Variants in PTPRN2 observed in about 807,000 individuals in gnomAD.
PTPRN2 encodes protein tyrosine phosphatase receptor type N2, also known as receptor-type tyrosine-protein phosphatase N2.
In PTPRN2, 74 loss-of-function variants were observed where a neutral mutation model predicts 118.8. That is an observed-to-expected ratio of 0.62 (90% CI 0.52 to 0.76). The LOEUF is 0.76. Ranked by LOEUF, PTPRN2 falls within the 30% of genes least tolerant of loss-of-function variation. PTPRN2 has a pLI of 0.00. For missense variants in PTPRN2, 1,481 were observed against 1,394.4 expected, an observed-to-expected ratio of 1.06 and a Z score of -0.99; for synonymous variants, 641 against 608.0, an observed-to-expected ratio of 1.05 and a Z score of -0.80.
intron 2 of PTPRN2, among the ~76,000 whole-genome samples, chr7:158,481,588 C>T (rs148172485): frequency 4.3e-4 from 66 of 152,320 alleles, no homozygotes; most frequent in African/African-American, 1.4e-3. Flanking sequence ...CTCAGCCTCC[C>T]GCATAGCTGG....
chr7:158,520,533 C>T lies in PTPRN2; in HGVS notation c.113-30748G>A, dbSNP rs1213442768. On this transcript the variant is annotated intron_variant, in intron 1 of 22. Coordinates refer to ENST00000389418, the MANE Select transcript of PTPRN2 (RefSeq NM_002847.5). The stretch of plus-strand genomic sequence containing the variant: ...GCTCAGCTCGAGGCCCCTGGAGAAA[C>T]ACTCCCCAGAGCAGGATCTCCAGAG... Among the ~76,000 whole-genome samples the T allele has an allele frequency of 2.0e-5, 3 of 152,204 alleles. No homozygotes were observed. In the East Asian group the frequency reaches 5.8e-4, roughly 29 times the overall value.
intron 1 of PTPRN2, among the ~76,000 whole-genome samples, chr7:158,569,566 G>A (rs2129451366): frequency 6.6e-6 from 1 of 152,364 alleles, no homozygotes; most frequent in Non-Finnish European, 1.5e-5. Flanking sequence ...ACCAGGAAGA[G>A]GGGACACGGA....
chr7:158,499,242 ATGAG>A (rs2129446227), intron 1 of PTPRN2, among the ~76,000 whole-genome samples: 1 of 152,246 alleles, frequency 6.6e-6, no homozygotes, highest in African/African-American at 2.4e-5. Flanking sequence ...GCCCTGTTAA[ATGAG>A]TATTTCTATT....
intron 5 of PTPRN2, among the ~76,000 whole-genome samples, chr7:158,169,248 T>A (rs1478022957): frequency 6.6e-6 from 1 of 152,130 alleles, no homozygotes; most frequent in Non-Finnish European, 1.5e-5. Context: ...GTTTGGTTTT[T>A]CTGGGTTTTT....
rs73510602 is a variant in PTPRN2 at position 158,558,413 on chromosome 7, C to T, written c.112+29145G>A. Among the ~76,000 whole-genome samples the T allele has an allele frequency of 8.3e-3, 1,268 of 152,274 alleles. 19 individuals are homozygous for T. Among genetic ancestry groups the T allele is most frequent in the African/African-American group, 0.028 (1,171 of 41,552 alleles). On this transcript the variant is annotated intron_variant, in intron 1 of 22. Coordinates refer to ENST00000389418, the MANE Select transcript of PTPRN2 (RefSeq NM_002847.5). ...TGTTCTCTTCTTTAGATCCTGAGGC[C>T]GCAGGGTGCAGCTTTCCATTTGTAA...
intron 13 of PTPRN2, among the ~76,000 whole-genome samples, chr7:157,657,888 C>A (rs1180541453): frequency 3.8e-5 from 5 of 131,676 alleles, no homozygotes; most frequent in African/African-American, 1.1e-4. Context: ...ACACACACAC[C>A]ACACACATCA....
chr7:157,726,270 A>G (rs910987528), intron 12 of PTPRN2, among the ~76,000 whole-genome samples: 2 of 141,614 alleles, frequency 1.4e-5, no homozygotes, highest in Non-Finnish European at 3.0e-5. Flanking sequence ...AAAACTGGAT[A>G]TCCACATGCA....
At chr7:158,164,967 G>A (rs534535824) in intron 6 of PTPRN2, among the ~76,000 whole-genome samples, 10 of 152,316 alleles carry the variant, frequency 6.6e-5, no homozygotes, top group Admixed American at 2.0e-4. Context: ...ACCCAAGGTC[G>A]CAAGTGAAGA....
intron 3 of PTPRN2, among the ~76,000 whole-genome samples, chr7:158,315,635 G>A (rs1352539216): frequency 1.3e-5 from 2 of 152,274 alleles, no homozygotes; most frequent in Non-Finnish European, 2.9e-5. Context: ...CGCCTGGAAG[G>A]AGAAACGGCC....
At position 158,248,989 on chromosome 7, in the gene PTPRN2, C is replaced by T. The variant is rs566224985; in HGVS notation, c.278-43716G>A. 1.3e-4 allele frequency among the ~76,000 whole-genome samples: 19 copies of T among 151,610 alleles called. No homozygotes were observed. In the South Asian group the frequency reaches 3.8e-3, roughly 30 times the overall value. On this transcript the variant is annotated intron_variant, in intron 3 of 22. Transcript: ENST00000389418. ...CATACACGTGCACACCACACATATG[C>T]ACACATCACACATGCAGCACATATG...
At chr7:158,074,015 G>C (rs1812151282) in intron 11 of PTPRN2, among the ~76,000 whole-genome samples, 1 of 152,214 alleles carries the variant, frequency 6.6e-6, no homozygotes, top group African/African-American at 2.4e-5. Context: ...GGACATACGT[G>C]TCCTGGCCAC....
intron 11 of PTPRN2, among the ~76,000 whole-genome samples, chr7:158,046,777 A>G (rs1240491462): frequency 6.6e-6 from 1 of 152,064 alleles, no homozygotes; most frequent in Admixed American, 6.5e-5. Context: ...TCCTAACCTG[A>G]CATTTTGGAG....
At position 158,546,104 on chromosome 7, in the gene PTPRN2, C is replaced by G. The variant is rs1191207098; in HGVS notation, c.112+41454G>C. On this transcript the variant is annotated intron_variant, in intron 1 of 22. Transcript: ENST00000389418. The surrounding 1 kb of genome is among the most constrained non-coding windows in gnomAD (Gnocchi z 5.0). ...AAAAACTGGGCCAACGGCCCACAAA[C>G]ACGTGAGCCAGGTGAAGGGTCATGC... Among the ~76,000 whole-genome samples the G allele has an allele frequency of 1.3e-5, 2 of 152,218 alleles. No homozygotes were observed. Among genetic ancestry groups the G allele is most frequent in the Non-Finnish European group, 2.9e-5 (2 of 68,036 alleles).
chr7:157,772,936 T>C (rs1407854145), intron 12 of PTPRN2, among the ~76,000 whole-genome samples: 1 of 152,168 alleles, frequency 6.6e-6, no homozygotes, highest in African/African-American at 2.4e-5. Flanking sequence ...CCAGGCTGCA[T>C]GCCGACTCCG....
At chr7:158,145,794 G>C (rs1003590372) in intron 6 of PTPRN2, among the ~76,000 whole-genome samples, 31 of 152,106 alleles carry the variant, frequency 2.0e-4, no homozygotes, top group African/African-American at 6.8e-4. Context: ...CCATCAATCC[G>C]ATCATCCATC....
intron 18 of PTPRN2, among the ~76,000 whole-genome samples, chr7:157,577,276 C>CT (rs1351774738): frequency 6.6e-5 from 10 of 152,198 alleles, no homozygotes; most frequent in Admixed American, 5.9e-4. Flanking sequence ...AGCGCAGGCA[C>CT]TTCCGGGCCT....
At chr7:157,579,162 C>G (rs1041537440) in intron 17 of PTPRN2, among the ~76,000 whole-genome samples, 1 of 152,140 alleles carries the variant, frequency 6.6e-6, no homozygotes, top group East Asian at 1.9e-4. Context: ...GACACAAACA[C>G]GACATTTTCC....
At chr7:157,649,528 ACTGT>A (rs1805472097) in intron 14 of PTPRN2, among the ~76,000 whole-genome samples, 2 of 133,306 alleles carry the variant, frequency 1.5e-5, no homozygotes, top group Non-Finnish European at 1.7e-5. Context: ...GGACCCATTC[ACTGT>A]GCACTGAACT....
intron 12 of PTPRN2, among the ~76,000 whole-genome samples, chr7:157,705,408 C>A (rs1798275180): frequency 6.6e-6 from 1 of 152,228 alleles, no homozygotes; most frequent in African/African-American, 2.4e-5. Flanking sequence ...GGAGGCGAGG[C>A]AGGGTATGAA....
Sources: allele counts gnomAD v4.1 joint callset (sites outside exome capture counted in the v4.1 genomes callset), GRCh38; gene constraint gnomAD v4.1.1; non-coding constraint Gnocchi (gnomAD v3.1); transcripts MANE v1.5; gene names NCBI Gene and HGNC (gene_info 2026-07-23, HGNC 2026-07-21).